INKA2: variants seen among roughly 807,000 people sequenced by gnomAD.
The protein encoded by INKA2 is PAK4-inhibitor INKA2.
A neutral mutation model predicts 9.8 loss-of-function variants in INKA2; 3 were observed. The ratio of observed to expected loss-of-function variants is 0.31; its 90% CI spans 0.14 to 0.79. The LOEUF is 0.79. INKA2 is among the 30% of genes least tolerant of loss of function. The probability of loss-of-function intolerance (pLI) is 0.62; values close to 1 mark genes in which losing one functional copy is unlikely to be tolerated. For missense variants in INKA2, 392 were observed against 384.4 expected (o/e 1.02, Z -0.17); for synonymous variants, 147 against 143.3 (o/e 1.03, Z -0.18).
At chr1:111,740,317 C>T (rs1663115586), upstream of INKA2, among the ~76,000 whole-genome samples, 1 of 152,218 alleles carries the variant, frequency 6.6e-6, no homozygotes, top group Non-Finnish European at 1.5e-5. Context: ...GGGCGAGCGC[C>T]AGCCAGGCCC....
intron 1 of INKA2, 40 bp from the exon 2 acceptor site, chr1:111,727,844 G>C (rs377355495): frequency 1.1e-5 from 18 of 1,579,598 alleles, no homozygotes; most frequent in Non-Finnish European, 1.5e-5. Flanking sequence ...ATGAGCCACA[G>C]TGGGCAGCAG....
upstream of INKA2, among the ~76,000 whole-genome samples, chr1:111,739,651 C>A (rs551600877): frequency 3.3e-5 from 5 of 152,314 alleles, no homozygotes; most frequent in African/African-American, 1.2e-4. Flanking sequence ...CGGCCCCCAA[C>A]GAAGCACGTG....
chr1:111,728,038 T>TACACACACACACACACACACACAC lies in INKA2; in HGVS notation c.58-258_58-235dup, dbSNP rs60867844. Among the ~76,000 whole-genome samples, 572 of 109,436 alleles carry TACACACACACACACACACACACAC rather than the reference T, an allele frequency of 5.2e-3. 9 individuals carry two copies. Among genetic ancestry groups the TACACACACACACACACACACACAC allele is most frequent in the East Asian group, 0.012 (46 of 3,900 alleles). 71.8% of individuals were successfully genotyped at this position (109,436 alleles called of 152,430 possible). A position where few individuals can be genotyped will look rare whatever the true frequency, so the allele number is the denominator to read the frequency against. The stretch of plus-strand genomic sequence containing the variant: ...GTCCTGAGAAGGCTCCCCCACCCCA[T>TACACACACACACACACACACACAC]ACACACACACACACACACACACACA... On this transcript the variant is annotated intron_variant, in intron 1 of 1. Transcript: ENST00000357260.
At chr1:111,744,206 T>C (rs1663209176), upstream of INKA2, among the ~76,000 whole-genome samples, 1 of 152,158 alleles carries the variant, frequency 6.6e-6, no homozygotes, top group Non-Finnish European at 1.5e-5. Context: ...GAGGATGAAG[T>C]GGCCTGTGTG....
At chr1:111,742,247 T>C (rs565484982), upstream of INKA2, among the ~76,000 whole-genome samples, 103 of 152,240 alleles carry the variant, frequency 6.8e-4, no homozygotes, top group Non-Finnish European at 1.3e-3. Flanking sequence ...TTCCCCTGCT[T>C]ATGGGTTTAA....
intron 1 of INKA2, chr1:111,746,173 G>A (rs1663270666): frequency 6.6e-6 from 1 of 152,220 alleles, no homozygotes; most frequent in Non-Finnish European, 1.5e-5. Flanking sequence ...CTTCTGTGCG[G>A]GCTTTTGCTT....
Position 111,726,929 on chromosome 1 carries a change from T to C in INKA2, c.*39A>G. 6.3e-7 allele frequency: 1 copy of C among 1,584,058 alleles called. No individual in the cohort carries two copies. Among genetic ancestry groups the C allele is most frequent in the South Asian group, 1.1e-5 (1 of 87,380 alleles). On this transcript the variant is annotated 3_prime_UTR_variant, in exon 2 of 2. Coordinates refer to ENST00000357260, the MANE Select transcript of INKA2 (RefSeq NM_019099.5). ...TCCCCAGGGGCCCAGCACTGGGACCTGGCCCTTTCAGGCTCAGTCAACTTT... is the reference window on the plus strand; with the variant it reads ...TCCCCAGGGGCCCAGCACTGGGACCCGGCCCTTTCAGGCTCAGTCAACTTT...
Position 111,723,422 on chromosome 1 carries a change from C to CAA in INKA2, c.*3545_*3546insTT, listed in dbSNP as rs1662693757. 1.5e-5 allele frequency: 4 copies of CAA among 273,082 alleles called. No homozygotes were observed. The highest frequency in any genetic ancestry group is 2.5e-5 in the Non-Finnish European group (4 of 162,682). 16.9% of individuals were successfully genotyped at this position (273,082 alleles called of 1,614,324 possible). A position where few individuals can be genotyped will look rare whatever the true frequency, so the allele number is the denominator to read the frequency against. On this transcript the variant is annotated 3_prime_UTR_variant, in exon 2 of 2. Coordinates refer to ENST00000357260, the MANE Select transcript of INKA2 (RefSeq NM_019099.5). ...GAGAAAGGGAGGAGGGAGACCAGGCCGGCCCCACTAGCATGCCCAGCAGGG... is the reference window on the plus strand; with the variant it reads ...GAGAAAGGGAGGAGGGAGACCAGGCCAAGGCCCCACTAGCATGCCCAGCAGGG...
At chr1:111,753,636 G>A (rs926434223) in intron 1 of INKA2, 1 of 152,210 alleles carries the variant, frequency 6.6e-6, no homozygotes, top group Non-Finnish European at 1.5e-5. Context: ...ATTGGTGTGA[G>A]TTCTACAGAA....
chr1:111,751,494 C>A (rs1329590859), intron 1 of INKA2, among the ~76,000 whole-genome samples: 1 of 152,226 alleles, frequency 6.6e-6, no homozygotes, highest in Non-Finnish European at 1.5e-5. Flanking sequence ...CTAGACTTTG[C>A]TGTCAAATAG....
intron 1 of INKA2, among the ~76,000 whole-genome samples, chr1:111,735,407 G>A (rs55721286): frequency 0.032 from 4,937 of 152,244 alleles, 125 homozygotes; most frequent in Non-Finnish European, 0.048. Flanking sequence ...CACTTAAATT[G>A]TCATTTAATC....
In INKA2 at chr1:111,722,857, C is replaced by A; in HGVS notation, c.*4111G>T. 1 of 492,224 alleles carries A rather than the reference C, an allele frequency of 2.0e-6. No homozygotes were observed. 30.5% of individuals were successfully genotyped at this position (492,224 alleles called of 1,614,324 possible). On this transcript the variant is annotated 3_prime_UTR_variant, in exon 2 of 2. Coordinates refer to ENST00000357260, the MANE Select transcript of INKA2 (RefSeq NM_019099.5). ...TTGCCTTGGGTCACATGGTTAGTGC[C>A]TCTACTAAGGGGATGGGTTGTCCAG...
chr1:111,727,870 T>C, intron 1 of INKA2, 66 bp from the exon 2 acceptor site: 1 of 1,490,414 alleles, frequency 6.7e-7, no homozygotes, highest in Non-Finnish European at 9.2e-7. Context: ...CTCCCAGCCC[T>C]GAACTTAGGT....
intron 1 of INKA2, among the ~76,000 whole-genome samples, chr1:111,736,524 C>T (rs1663012091): frequency 6.6e-6 from 1 of 152,208 alleles, no homozygotes. Context: ...TGTTTTCCAG[C>T]AGGTTTATCC....
upstream of INKA2, among the ~76,000 whole-genome samples, chr1:111,743,319 A>G (rs1286832120): frequency 6.6e-6 from 1 of 152,168 alleles, no homozygotes; most frequent in African/African-American, 2.4e-5. Context: ...CTGGGGTGGA[A>G]CCCTCAGAAG....
At position 111,727,212 on chromosome 1, in the gene INKA2, C is replaced by G. The variant is rs772906395; in HGVS notation, c.650G>C (p.Ser217Thr). Residue 217 changes from serine to threonine, a missense_variant, in exon 2 of 2, where the codon AGT becomes ACT. By Grantham distance (58) the Ser-to-Thr change is moderately conservative. Coordinates refer to ENST00000357260, the MANE Select transcript of INKA2 (RefSeq NM_019099.5). The part of the protein sequence containing the change: ...TANIFKKFLR[S>T]VRPDRDRLLK... ...CAGCCGGTCACGGTCAGGCCGCACA[C>G]TACGCAAGAACTTCTTAAAGATGTT... The G allele has an allele frequency of 5.6e-6, 9 of 1,614,260 alleles. No homozygotes were observed. Among genetic ancestry groups the G allele is most frequent in the Admixed American group, 3.3e-5 (2 of 60,038 alleles).
chr1:111,741,464 A>C (rs983065537), upstream of INKA2, among the ~76,000 whole-genome samples: 1 of 152,192 alleles, frequency 6.6e-6, no homozygotes, highest in Non-Finnish European at 1.5e-5. Context: ...GTTCAGAGTG[A>C]GAGCTGCCCC....
chr1:111,731,846 G>T (rs908389043), intron 1 of INKA2, among the ~76,000 whole-genome samples: 54 of 152,218 alleles, frequency 3.5e-4, no homozygotes, highest in African/African-American at 1.2e-3. Context: ...TAATGACAGG[G>T]TTCCATTCCT....
intron 1 of INKA2, among the ~76,000 whole-genome samples, chr1:111,750,509 G>C (rs1401854897): frequency 6.6e-6 from 1 of 152,180 alleles, no homozygotes; most frequent in African/African-American, 2.4e-5. Context: ...AACAATGAAA[G>C]TACCCGTGGC....
Sources: gnomAD v4.1 joint callset for allele counts (sites outside exome capture counted in the v4.1 genomes callset) on GRCh38, gnomAD v4.1.1 for gene constraint, MANE v1.5 for transcripts, NCBI Gene and HGNC (gene_info 2026-07-23, HGNC 2026-07-21) for gene names.